The following XIRP2 variants were observed in gnomAD, a reference collection of about 807,000 sequenced individuals.
XIRP2 encodes xin actin binding repeat containing 2, also known as xin actin-binding repeat-containing protein 2.
In XIRP2, 236 loss-of-function variants were observed where a neutral mutation model predicts 277.0. The ratio of observed to expected loss-of-function variants is 0.85; its 90% CI spans 0.77 to 0.95. The LOEUF is 0.95. Ranked by LOEUF, XIRP2 falls within the 40% of genes least tolerant of loss-of-function variation. The probability of loss-of-function intolerance (pLI) is 0.00; values close to 1 mark genes in which losing one functional copy is unlikely to be tolerated. For missense variants in XIRP2, 4,640 were observed against 4,157.5 expected, an observed-to-expected ratio of 1.12 and a Z score of -3.19; for synonymous variants, 1,490 against 1,416.5, an observed-to-expected ratio of 1.05 and a Z score of -1.17.
At chr2:167,156,285 G>A (rs1290236511) in intron 3 of XIRP2, among the ~76,000 whole-genome samples, 1 of 152,128 alleles carries the variant, frequency 6.6e-6, no homozygotes, top group East Asian at 1.9e-4. Flanking sequence ...AGCCCGCATT[G>A]CCAAGTCAAT....
intron 3 of XIRP2, among the ~76,000 whole-genome samples, chr2:167,189,548 G>A (rs1693264206): frequency 6.6e-6 from 1 of 152,238 alleles, no homozygotes; most frequent in South Asian, 2.1e-4. Context: ...GTTTCTTCCT[G>A]TTTCTGAAAC....
Position 166,903,792 on chromosome 2 carries a change from C to G in XIRP2, c.310C>G (p.Arg104Gly). 1 of 1,613,604 alleles carries G rather than the reference C, an allele frequency of 6.2e-7. No individual in the cohort carries two copies. Among genetic ancestry groups the G allele is most frequent in the Non-Finnish European group, 8.5e-7 (1 of 1,179,772 alleles). The change falls in exon 2 of 11, where the codon CGG (arginine) becomes GGG (glycine). Residue 104 changes from arginine to glycine, a missense_variant. Physicochemically the swap from Arg to Gly is moderately radical, Grantham distance 125. Transcript: ENST00000409195. ...GCTGAAGGAGGATTCCCTGAGCAGT[C>G]GGCGCAGGATTGAACGCTTTTCCAT... The part of the protein sequence containing the change: ...EVLKEDSLSS[R>G]RRIERFSIAL...
At chr2:166,972,202 T>G (rs1435533294) in intron 2 of XIRP2, among the ~76,000 whole-genome samples, 1 of 151,762 alleles carries the variant, frequency 6.6e-6, no homozygotes, top group Non-Finnish European at 1.5e-5. Context: ...CCAGGAAGAG[T>G]GACCCTCACA....
chr2:166,981,418 CTCT>C (rs1009134764), intron 2 of XIRP2, among the ~76,000 whole-genome samples: 4 of 151,378 alleles, frequency 2.6e-5, no homozygotes, highest in Non-Finnish European at 2.9e-5. Context: ...GTGTCCTCTG[CTCT>C]TCTTCTTTTT....
At position 167,023,839 on chromosome 2, in the gene XIRP2, T is replaced by C. The variant is rs186847204; in HGVS notation, c.409-112070T>C. Reference sequence around the variant, plus strand: ...TATCTCTGTTTTGGTACCAGTACCATGCTGTTTTGGTTACTGTAGCCTTGT... The same window carrying C: ...TATCTCTGTTTTGGTACCAGTACCACGCTGTTTTGGTTACTGTAGCCTTGT... On this transcript the variant is annotated intron_variant, in intron 2 of 10. Transcript: ENST00000409195. Among the ~76,000 whole-genome samples the C allele has an allele frequency of 6.2e-3, 937 of 152,310 alleles. 11 individuals are homozygous for C. The highest frequency in any genetic ancestry group is 0.021 in the African/African-American group (881 of 41,582).
At chr2:167,049,476 A>T (rs1688865534) in intron 2 of XIRP2, among the ~76,000 whole-genome samples, 1 of 151,536 alleles carries the variant, frequency 6.6e-6, no homozygotes, top group African/African-American at 2.4e-5. Context: ...TGTTTCACAG[A>T]TCTATATTTA....
chr2:167,121,025 G>A (rs1486288223), intron 2 of XIRP2, among the ~76,000 whole-genome samples: 1 of 152,096 alleles, frequency 6.6e-6, no homozygotes, highest in African/African-American at 2.4e-5. Flanking sequence ...TGATATTATT[G>A]TGATTTTACA....
chr2:167,140,687 A>T (rs1691691165), intron 3 of XIRP2: 1 of 152,192 alleles, frequency 6.6e-6, no homozygotes, highest in Non-Finnish European at 1.5e-5. Context: ...GAGACATTTC[A>T]TTAGGAAAAA....
intron 3 of XIRP2, among the ~76,000 whole-genome samples, chr2:167,169,075 A>G (rs1389310967): frequency 6.6e-6 from 1 of 152,126 alleles, no homozygotes; most frequent in Non-Finnish European, 1.5e-5. Context: ...GGTAAAAGGA[A>G]TGCTGTAAAT....
rs1473653216 is a variant in XIRP2, at chr2:167,249,790, G to A, written c.8398G>A (p.Val2800Ile). Residue 2800 changes from valine to isoleucine, a missense_variant, in exon 9 of 11, where the codon GTT (valine) becomes ATT (isoleucine). Physicochemically the swap from Val to Ile is conservative, Grantham distance 29. Coordinates refer to ENST00000409195, the MANE Select transcript of XIRP2 (RefSeq NM_152381.6). Reference protein sequence around the residue: ...QKNQEDKLKMVPRKQREFSGS... With the variant: ...QKNQEDKLKMIPRKQREFSGS... ...GAACCAGGAAGATAAGCTCAAGATG[G>A]TTCCCAGGAAGCAAAGAGAATTTAG... 1 of 1,613,386 alleles carries A rather than the reference G, an allele frequency of 6.2e-7. No homozygotes were observed. The highest frequency in any genetic ancestry group is 1.1e-5 in the South Asian group (1 of 91,064).
At chr2:167,009,953 T>C (rs555084636) in intron 2 of XIRP2, among the ~76,000 whole-genome samples, 2 of 152,296 alleles carry the variant, frequency 1.3e-5, no homozygotes, top group Admixed American at 6.5e-5. Context: ...TCATTATAGA[T>C]TCTGGATATT....
chr2:167,243,726 G>T lies in XIRP2; in HGVS notation c.2334G>T (p.Pro778=). The T allele has an allele frequency of 6.2e-7, 1 of 1,613,968 alleles. No homozygotes were observed. The highest frequency in any genetic ancestry group is 1.1e-5 in the South Asian group (1 of 91,078). The change falls in exon 9 of 11, where the codon CCG becomes CCT. Residue 778 remains proline (P), a synonymous_variant. Coordinates refer to ENST00000409195, the MANE Select transcript of XIRP2 (RefSeq NM_152381.6). The stretch of plus-strand genomic sequence containing the variant: ...CACGGTGGATGTTTGAAACACAGCC[G>T]TTGGACACAATTAACAAAGATATCA... ...RTARWMFETQ[P]LDTINKDITE...
intron 5 of XIRP2, among the ~76,000 whole-genome samples, chr2:167,236,646 T>C (rs567458342): frequency 1.3e-5 from 2 of 152,086 alleles, no homozygotes; most frequent in Admixed American, 6.6e-5. Context: ...GATTATAACA[T>C]ACCTAGTAAA....
At position 167,258,239 on chromosome 2, in the gene XIRP2, C is replaced by T. The variant is rs565476506; in HGVS notation, c.*422C>T. 6.2e-6 allele frequency: 10 copies of T among 1,613,130 alleles called. No individual in the cohort carries two copies. In the East Asian group the frequency reaches 1.3e-4, roughly 22 times the overall value. On this transcript the variant is annotated 3_prime_UTR_variant, in exon 11 of 11. Transcript: ENST00000409195. ...CAAAATGAGTAAACCTAAGTGGCCA[C>T]CTGAAATGACAACCCTGCTATCCCC... is the stretch of plus-strand genomic sequence containing the variant.
At chr2:166,927,529 T>A (rs1347179148) in intron 2 of XIRP2, among the ~76,000 whole-genome samples, 1 of 152,124 alleles carries the variant, frequency 6.6e-6, no homozygotes, top group Non-Finnish European at 1.5e-5. Flanking sequence ...AGCCCCCTTC[T>A]TCCATCTTCA....
At position 167,244,341 on chromosome 2, in the gene XIRP2, C is replaced by T. The variant is rs192182483; in HGVS notation, c.2949C>T (p.Phe983=). The T allele has an allele frequency of 1.6e-4, 255 of 1,613,596 alleles. 1 individual carries two copies. The East Asian group carries it at 4.2e-3, about 26-fold the overall frequency. Reference sequence around the variant, plus strand: ...CTGTAGAGTTAAATAAATCTCTCTTCGAGACAACACCACTGTATGCCATTC... The same window carrying T: ...CTGTAGAGTTAAATAAATCTCTCTTTGAGACAACACCACTGTATGCCATTC... ...RGAVELNKSL[F]ETTPLYAIQD... Residue 983 remains phenylalanine, a synonymous_variant, in exon 9 of 11, where the codon TTC becomes TTT. Transcript: ENST00000409195.
In XIRP2 at chr2:167,007,348, A is replaced by G. The variant is rs1198884706; in HGVS notation, c.408+103458A>G. Among the ~76,000 whole-genome samples, 7 of 151,818 alleles carry G rather than the reference A, an allele frequency of 4.6e-5. No homozygotes were observed. The East Asian group carries it at 1.4e-3, about 29-fold the overall frequency. On this transcript the variant is annotated intron_variant, in intron 2 of 10. Transcript: ENST00000409195. ...TCCACAATACATTTTTTAAATCACT[A>G]AAAATTATTCTTTGTATATAACAAA...
In XIRP2 at chr2:167,254,178, A is replaced by G. The variant is rs1345638130; in HGVS notation, c.*39+13A>G. On this transcript the variant is annotated intron_variant, in intron 10 of 10. Transcript: ENST00000409195. ...ACAGTAAACTAAGGTAAAATGTTTAATTGTCTTTGCCACAAATATTCCAGG... is the reference window on the plus strand; with the variant it reads ...ACAGTAAACTAAGGTAAAATGTTTAGTTGTCTTTGCCACAAATATTCCAGG... The G allele has an allele frequency of 6.2e-7, 1 of 1,605,644 alleles. No individual in the cohort carries two copies. Among genetic ancestry groups the G allele is most frequent in the African/African-American group, 1.3e-5 (1 of 74,656 alleles).
chr2:167,023,237 G>C (rs1348819369), intron 2 of XIRP2, among the ~76,000 whole-genome samples: 1 of 152,038 alleles, frequency 6.6e-6, no homozygotes, highest in Non-Finnish European at 1.5e-5. Context: ...GTGTTTTTTG[G>C]CTGCATAAAT....
Sources: gnomAD v4.1 joint callset for allele counts (sites outside exome capture counted in the v4.1 genomes callset) on GRCh38, gnomAD v4.1.1 for gene constraint, MANE v1.5 for transcripts, NCBI Gene and HGNC (gene_info 2026-07-23, HGNC 2026-07-21) for gene names.